The following SPATA17 variants were observed in gnomAD, a reference collection of about 807,000 sequenced individuals.
The protein encoded by SPATA17 is spermatogenesis-associated protein 17.
SPATA17 carries 53 observed loss-of-function variants against 62.2 expected under a neutral mutation model. The observed-to-expected ratio is 0.85, with a 90% CI of 0.68 to 1.07. The LOEUF is 1.07. Among genes scored for constraint, SPATA17 ranks in the 50% least tolerant of loss-of-function variants. The probability of loss-of-function intolerance (pLI) is 0.00; values close to 1 mark genes in which losing one functional copy is unlikely to be tolerated. For missense variants in SPATA17, 466 were observed against 425.5 expected, an observed-to-expected ratio of 1.10 and a Z score of -0.84; for synonymous variants, 146 against 146.8, an observed-to-expected ratio of 0.99 and a Z score of 0.04.
Position 217,758,670 on chromosome 1 carries a change from G to A in SPATA17, c.520-15664G>A, listed in dbSNP as rs138955134. Among the ~76,000 whole-genome samples, 867 of 152,292 alleles carry A rather than the reference G, an allele frequency of 5.7e-3. 12 individuals carry two copies. The highest frequency in any genetic ancestry group is 0.019 in the African/African-American group (799 of 41,554). Reference sequence around the variant, plus strand: ...GTATGGCAAGATGATTGATGTTAGAGCCTTGCGTGATTAACATAATCAACA... The same window carrying A: ...GTATGGCAAGATGATTGATGTTAGAACCTTGCGTGATTAACATAATCAACA... On this transcript the variant is annotated intron_variant, in intron 6 of 10. Transcript: ENST00000366933.
At chr1:217,686,215 T>C (rs1038363215) in intron 5 of SPATA17, among the ~76,000 whole-genome samples, 1 of 152,122 alleles carries the variant, frequency 6.6e-6, no homozygotes, top group Non-Finnish European at 1.5e-5. Context: ...ATTACTAGTC[T>C]TTGGAAGTTT....
intron 3 of SPATA17, among the ~76,000 whole-genome samples, chr1:217,660,915 A>C (rs73107349): frequency 0.012 from 1,867 of 152,336 alleles, 28 homozygotes; most frequent in African/African-American, 0.036. Flanking sequence ...TTACTCGGTT[A>C]TGCTTACAAA....
At chr1:217,651,444 T>C (rs890596813) in intron 3 of SPATA17, among the ~76,000 whole-genome samples, 1 of 152,240 alleles carries the variant, frequency 6.6e-6, no homozygotes, top group Admixed American at 6.5e-5. Flanking sequence ...TTTATACTTA[T>C]TTATTGATGG....
intron 6 of SPATA17, among the ~76,000 whole-genome samples, chr1:217,742,446 T>G (rs1206137785): frequency 1.3e-5 from 2 of 152,218 alleles, no homozygotes; most frequent in Non-Finnish European, 2.9e-5. Context: ...GTTATTAGGC[T>G]GAGGTTGCTT....
At chr1:217,701,946 CCTTTT>C (rs1671609488) in intron 5 of SPATA17, among the ~76,000 whole-genome samples, 1 of 151,494 alleles carries the variant, frequency 6.6e-6, no homozygotes, top group Non-Finnish European at 1.5e-5. Flanking sequence ...GTTCTATCAT[CCTTTT>C]CTTTTTGGAA....
chr1:217,809,895 TTATC>T (rs56711524), intron 9 of SPATA17, among the ~76,000 whole-genome samples: 30,746 of 152,050 alleles, frequency 0.2, 3,535 homozygotes, highest in East Asian at 0.53. Flanking sequence ...TTTTAACTAT[TTATC>T]TAATTTCATA....
chr1:217,866,545 C>T (rs1235938869), intron 10 of SPATA17: 1 of 152,300 alleles, frequency 6.6e-6, no homozygotes, highest in African/African-American at 2.4e-5. Context: ...ACTGCAACCT[C>T]GAACTCCTGG....
intron 5 of SPATA17, among the ~76,000 whole-genome samples, chr1:217,722,561 TA>T (rs2102935260): frequency 6.6e-6 from 1 of 152,308 alleles, no homozygotes; most frequent in South Asian, 2.1e-4. Flanking sequence ...GAATAACCTT[TA>T]ATATGTGTTT....
intron 3 of SPATA17, among the ~76,000 whole-genome samples, chr1:217,661,558 G>A (rs1336096072): frequency 1.3e-5 from 2 of 152,058 alleles, no homozygotes; most frequent in African/African-American, 4.8e-5. Flanking sequence ...CTTGTTTTGT[G>A]ATTTGTTTGC....
intron 6 of SPATA17, among the ~76,000 whole-genome samples, chr1:217,766,114 C>A (rs1255063594): frequency 6.6e-6 from 1 of 151,862 alleles, no homozygotes; most frequent in Non-Finnish European, 1.5e-5. Context: ...TCCACTCTGA[C>A]AATCTCTATC....
At chr1:217,690,307 A>G (rs1363447615) in intron 5 of SPATA17, among the ~76,000 whole-genome samples, 1 of 151,990 alleles carries the variant, frequency 6.6e-6, no homozygotes, top group Admixed American at 6.6e-5. Flanking sequence ...CCACCAGCTT[A>G]TATTTTTAAA....
chr1:217,760,337 A>G (rs1673143601), intron 6 of SPATA17, among the ~76,000 whole-genome samples: 1 of 152,232 alleles, frequency 6.6e-6, no homozygotes, highest in Non-Finnish European at 1.5e-5. Flanking sequence ...ATACAATTTT[A>G]TTGAAGGATA....
At chr1:217,847,436 G>T (rs1169496086) in intron 9 of SPATA17, among the ~76,000 whole-genome samples, 1 of 152,048 alleles carries the variant, frequency 6.6e-6, no homozygotes, top group Non-Finnish European at 1.5e-5. Context: ...TTCTTAATTT[G>T]ATTTAGTTGG....
chr1:217,651,818 C>T (rs995049482), intron 3 of SPATA17, among the ~76,000 whole-genome samples: 1 of 152,126 alleles, frequency 6.6e-6, no homozygotes, highest in African/African-American at 2.4e-5. Context: ...TTATTAAACA[C>T]CTGCTATATA....
At chr1:217,647,363 A>G (rs1344805956) in intron 1 of SPATA17, among the ~76,000 whole-genome samples, 1 of 152,162 alleles carries the variant, frequency 6.6e-6, no homozygotes, top group Non-Finnish European at 1.5e-5. Context: ...TCTCACCGGG[A>G]TGGAATATGC....
chr1:217,832,543 C>T (rs559894431), intron 9 of SPATA17, among the ~76,000 whole-genome samples: 30 of 152,200 alleles, frequency 2.0e-4, no homozygotes, highest in African/African-American at 7.2e-4. Context: ...TGAAAATCAT[C>T]ACAGAATGTA....
intron 9 of SPATA17, among the ~76,000 whole-genome samples, chr1:217,829,899 T>A (rs1487676266): frequency 2.6e-5 from 4 of 151,904 alleles, no homozygotes; most frequent in Non-Finnish European, 5.9e-5. Flanking sequence ...TAGGGAGTGT[T>A]CTTAAATAAG....
intron 5 of SPATA17, among the ~76,000 whole-genome samples, chr1:217,735,451 G>T (rs979196352): frequency 6.6e-6 from 1 of 152,094 alleles, no homozygotes; most frequent in Non-Finnish European, 1.5e-5. Flanking sequence ...CCTCCCAAAG[G>T]CCCCACCTCC....
chr1:217,741,709 A>C (rs1207628155), intron 5 of SPATA17, among the ~76,000 whole-genome samples: 1 of 152,234 alleles, frequency 6.6e-6, no homozygotes, highest in Non-Finnish European at 1.5e-5. Context: ...TAAGACACTT[A>C]CTTTGCATTT....
Sources: allele counts gnomAD v4.1 joint callset (sites outside exome capture counted in the v4.1 genomes callset), GRCh38; gene constraint gnomAD v4.1.1; transcripts MANE v1.5; gene names NCBI Gene and HGNC (gene_info 2026-07-23, HGNC 2026-07-21).